LBP: variants seen among roughly 807,000 people sequenced by gnomAD.
LBP encodes lipopolysaccharide-binding protein.
A neutral mutation model predicts 56.6 loss-of-function variants in LBP; 53 were observed. The observed-to-expected ratio is 0.94, with a 90% confidence interval of 0.75 to 1.18. LBP has a LOEUF of 1.18. Ranked by LOEUF, LBP falls within the 50% of genes most tolerant of loss-of-function variation. The pLI is 0.00. For missense variants in LBP, 601 were observed against 598.3 expected (o/e 1.00, Z -0.05); for synonymous variants, 227 against 247.5 (o/e 0.92, Z 0.78).
intron 6 of LBP, among the ~76,000 whole-genome samples, chr20:38,362,485 T>C (rs1253880916): frequency 6.6e-6 from 1 of 151,096 alleles, no homozygotes; most frequent in East Asian, 2.0e-4. Flanking sequence ...CCGTGGTGGA[T>C]GCCTGTAATC....
chr20:38,363,470 C>T (rs11536974), intron 6 of LBP, among the ~76,000 whole-genome samples: 9,742 of 152,238 alleles, frequency 0.064, 367 homozygotes, highest in South Asian at 0.13. Context: ...GAGACCCTGG[C>T]AAATTATCTG....
chr20:38,366,025 C>T (rs6025196), intron 8 of LBP, among the ~76,000 whole-genome samples: 3,928 of 152,190 alleles, frequency 0.026, 170 homozygotes, highest in African/African-American at 0.09. Flanking sequence ...CTGAATTTTA[C>T]AGTGGATCTC....
chr20:38,370,046 CAA>C lies in LBP; in HGVS notation c.1150-689_1150-688del. Among the ~76,000 whole-genome samples the C allele has an allele frequency of 1.3e-5, 2 of 152,076 alleles. 1 individual carries two copies. Among genetic ancestry groups the C allele is most frequent in the South Asian group, 4.1e-4 (2 of 4,824 alleles). ...AATTTAATATTGTTGTTATTGTTAT[CAA>C]AAGTGTCATTATTAATATATTTTAA... On this transcript the variant is annotated intron_variant, in intron 10 of 14. Transcript: ENST00000217407.
chr20:38,355,469 C>A, intron 5 of LBP, 60 bp downstream of exon 5: 1 of 1,448,416 alleles, frequency 6.9e-7, no homozygotes, highest in Non-Finnish European at 9.7e-7. Context: ...TGGAAGACCT[C>A]ACTGACCAAT....
intron 14 of LBP, among the ~76,000 whole-genome samples, chr20:38,376,257 G>A (rs574623923): frequency 4.6e-5 from 7 of 152,268 alleles, no homozygotes; most frequent in Non-Finnish European, 8.8e-5. Context: ...CTTGGCCTTC[G>A]GTTCAGAATT....
chr20:38,357,496 T>C (rs538795233), intron 5 of LBP, among the ~76,000 whole-genome samples: 13 of 152,332 alleles, frequency 8.5e-5, no homozygotes, highest in Middle Eastern at 3.4e-3. Flanking sequence ...CACTCACGAA[T>C]GCTTGCTCTC....
At chr20:38,371,370 G>A (rs1600730791) in intron 12 of LBP, 48 bp downstream of exon 12, 2 of 1,419,408 alleles carry the variant, frequency 1.4e-6, no homozygotes, top group East Asian at 4.6e-5. Flanking sequence ...ATTAATTTGG[G>A]GTGTTTCCTA....
rs769921375 is a variant in LBP at position 38,373,063 on chromosome 20, C to T, written c.1261-9C>T. The T allele has an allele frequency of 1.9e-6, 3 of 1,612,606 alleles. No individual in the cohort carries two copies. The highest frequency in any genetic ancestry group is 2.2e-5 in the South Asian group (2 of 91,048). On this transcript the variant is annotated splice_polypyrimidine_tract_variant and intron_variant, in intron 12 of 14. Transcript: ENST00000217407. ...GCGATGTAAATATATCTCTCCTGTT[C>T]TCTTCCAGGCAGAGCTGTTGGAAGC... is the stretch of plus-strand genomic sequence containing the variant.
intron 5 of LBP, among the ~76,000 whole-genome samples, chr20:38,358,902 A>G (rs1339593967): frequency 1.3e-5 from 2 of 152,188 alleles, no homozygotes; most frequent in Non-Finnish European, 2.9e-5. Flanking sequence ...GTATGAACCC[A>G]AATGTTTTAA....
intron 14 of LBP, 75 bp from the exon 15 acceptor site, chr20:38,376,550 C>T (rs771757428): frequency 2.3e-5 from 31 of 1,349,084 alleles, no homozygotes; most frequent in Admixed American, 1.7e-4. Flanking sequence ...GACGTGGGCT[C>T]CCTTTCAATC....
chr20:38,364,785 A>G (rs751101163), intron 8 of LBP, 33 bp downstream of exon 8: 6 of 1,570,268 alleles, frequency 3.8e-6, no homozygotes, highest in Non-Finnish European at 5.2e-6. Flanking sequence ...CTCTCAAATG[A>G]ACACATAACC....
chr20:38,357,026 T>C (rs894255205), intron 5 of LBP, among the ~76,000 whole-genome samples: 2 of 152,158 alleles, frequency 1.3e-5, no homozygotes, highest in African/African-American at 4.8e-5. Context: ...CAGTTAATTT[T>C]TTGTATTTTT....
Position 38,363,964 on chromosome 20 carries a change from C to T in LBP, c.653-11C>T, listed in dbSNP as rs757485852. The T allele has an allele frequency of 1.9e-5, 30 of 1,604,766 alleles. No homozygotes were observed. In the South Asian group the frequency reaches 2.3e-4, roughly 12 times the overall value. ...ATCTGGCCCCTAATTCTGCCCTGTC[C>T]TCATTCACAGTTACAACAGAGATTG... On this transcript the variant is annotated splice_polypyrimidine_tract_variant and intron_variant, in intron 6 of 14. Transcript: ENST00000217407.
chr20:38,366,558 A>G (rs1403299755), intron 8 of LBP, among the ~76,000 whole-genome samples: 2 of 152,160 alleles, frequency 1.3e-5, no homozygotes, highest in Non-Finnish European at 2.9e-5. Flanking sequence ...TGGGAGCCAC[A>G]CATCAGCTGC....
chr20:38,351,193 A>T (rs969146264), intron 3 of LBP, among the ~76,000 whole-genome samples: 1 of 152,206 alleles, frequency 6.6e-6, no homozygotes, highest in Non-Finnish European at 1.5e-5. Context: ...TAAGTGCGGT[A>T]ATATCATGTC....
intron 14 of LBP, among the ~76,000 whole-genome samples, chr20:38,375,366 A>C (rs906891173): frequency 2.0e-5 from 3 of 151,768 alleles, no homozygotes; most frequent in Non-Finnish European, 4.4e-5. Flanking sequence ...GCAGATCATG[A>C]GGTCAAAAGT....
rs1438140326 is a variant in LBP at position 38,366,716 on chromosome 20, C to A, written c.922-53C>A. The A allele has an allele frequency of 9.2e-6, 14 of 1,523,870 alleles. No individual in the cohort carries two copies. The South Asian group carries it at 1.5e-4, about 16-fold the overall frequency. The allele number at this position is 1,523,870 out of a possible 1,614,324, so 94.4% of individuals were successfully genotyped here. On this transcript the variant is annotated intron_variant, in intron 8 of 14. Transcript: ENST00000217407. ...CCCTGTCTCCCCAATCTTCTTTAGA[C>A]CTTCAGCTCCAGCGGGAGCACCCTA...
intron 3 of LBP, among the ~76,000 whole-genome samples, chr20:38,354,004 T>G (rs1349651049): frequency 2.0e-5 from 3 of 152,198 alleles, no homozygotes; most frequent in Non-Finnish European, 2.9e-5. Flanking sequence ...GCATTTTTTT[T>G]GTCCACTGAA....
At chr20:38,374,487 C>A (rs1029879544) in intron 14 of LBP, among the ~76,000 whole-genome samples, 43 of 151,420 alleles carry the variant, frequency 2.8e-4, no homozygotes, top group Non-Finnish European at 4.4e-4. Context: ...ATCCCAGCTA[C>A]TCAGGAGGCT....
Sources: gnomAD v4.1 joint callset for allele counts (sites outside exome capture counted in the v4.1 genomes callset) on GRCh38, gnomAD v4.1.1 for gene constraint, MANE v1.5 for transcripts, NCBI Gene and HGNC (gene_info 2026-07-23, HGNC 2026-07-21) for gene names.